The following ZFHX3 variants were observed in gnomAD, a reference collection of about 807,000 sequenced individuals.
The protein encoded by ZFHX3 is zinc finger homeobox 3, also known as zinc finger homeobox protein 3.
A neutral mutation model predicts 279.1 loss-of-function variants in ZFHX3; 42 were observed. The ratio of observed to expected loss-of-function variants is 0.15; its 90% confidence interval spans 0.12 to 0.19. ZFHX3 has a LOEUF of 0.19. Ranked by LOEUF, ZFHX3 falls within the 10% of genes least tolerant of loss-of-function variation. The probability of loss-of-function intolerance (pLI) is 1.00; values close to 1 mark genes in which losing one functional copy is unlikely to be tolerated. For missense variants in ZFHX3, 4,981 were observed against 4,754.0 expected, an observed-to-expected ratio of 1.05 and a Z score of -1.40; for synonymous variants, 2,293 against 1,957.8, an observed-to-expected ratio of 1.17 and a Z score of -4.52.
At chr16:73,736,195 G>A (rs1223611552) in intron 1 of ZFHX3, among the ~76,000 whole-genome samples, 1 of 152,148 alleles carries the variant, frequency 6.6e-6, no homozygotes, top group Non-Finnish European at 1.5e-5. Flanking sequence ...AGTGATCCCT[G>A]TGGGTTTCTA....
At chr16:73,733,205 G>A (rs575449276) in intron 1 of ZFHX3, among the ~76,000 whole-genome samples, 37 of 152,264 alleles carry the variant, frequency 2.4e-4, no homozygotes, top group African/African-American at 6.7e-4. Context: ...TGGAGAAATC[G>A]TAATGATATC....
chr16:73,004,004 TA>T (rs1490273866), intron 1 of ZFHX3, among the ~76,000 whole-genome samples: 2 of 151,666 alleles, frequency 1.3e-5, no homozygotes, highest in Admixed American at 1.3e-4. Flanking sequence ...AGCTCAACCT[TA>T]CCAGTAATCA....
At chr16:73,691,840 T>A (rs8060516) in intron 1 of ZFHX3, among the ~76,000 whole-genome samples, 5,224 of 152,324 alleles carry the variant, frequency 0.034, 256 homozygotes, top group African/African-American at 0.1. Context: ...ATTGAGATAC[T>A]GATTCATTGA....
intron 1 of ZFHX3, among the ~76,000 whole-genome samples, chr16:73,869,449 A>T (rs1445601551): frequency 6.6e-6 from 1 of 152,254 alleles, no homozygotes; most frequent in Non-Finnish European, 1.5e-5. Context: ...AAAGTTACAC[A>T]GGCAAAAGGC....
At chr16:73,440,904 A>G (rs907725407) in intron 3 of ZFHX3, among the ~76,000 whole-genome samples, 4 of 152,346 alleles carry the variant, frequency 2.6e-5, no homozygotes, top group Non-Finnish European at 4.4e-5. Flanking sequence ...GCCAGCTTTT[A>G]GCAAATAGAT....
chr16:73,580,550 T>C (rs1001888475), intron 2 of ZFHX3, among the ~76,000 whole-genome samples: 2 of 150,994 alleles, frequency 1.3e-5, no homozygotes, highest in African/African-American at 4.9e-5. Flanking sequence ...TAACTGGGAC[T>C]ATCTAGTTAC....
chr16:73,493,001 C>CAT (rs2019079553), intron 2 of ZFHX3, among the ~76,000 whole-genome samples: 2 of 152,020 alleles, frequency 1.3e-5, no homozygotes, highest in African/African-American at 4.8e-5. Flanking sequence ...TTATATATAA[C>CAT]ATATACTGTC....
At position 73,595,983 on chromosome 16, in the gene ZFHX3, TTTTATTTTA is replaced by T. The variant is rs2052045751; in HGVS notation, c.-1547+84188_-1547+84196del. Among the ~76,000 whole-genome samples, 13 of 3,290 alleles carry T rather than the reference TTTTATTTTA, an allele frequency of 4.0e-3. No individual in the cohort carries two copies. The Admixed American group carries it at 0.055, about 14-fold the overall frequency. The allele number at this position is 3,290 out of a possible 152,430, so 2.2% of individuals were successfully genotyped here. On this transcript the variant is annotated intron_variant, in intron 2 of 17. Coordinates refer to the ZFHX3 transcript ENST00000641206. Reference sequence around the variant, plus strand: ...CTCTCTCCCGACCATTACTTTTTTATTTTATTTTATTTTATTTTATTTTATTTTATTTTA... The same window carrying T: ...CTCTCTCCCGACCATTACTTTTTTATTTTTATTTTATTTTATTTTATTTTA...
At position 73,258,758 on chromosome 16, in the gene ZFHX3, A is replaced by G. The variant is rs112437068; in HGVS notation, c.-1193-1622T>C. Among the ~76,000 whole-genome samples the G allele has an allele frequency of 9.8e-4, 150 of 152,304 alleles. 1 individual carries two copies. Among genetic ancestry groups the G allele is most frequent in the African/African-American group, 3.4e-3 (143 of 41,570 alleles). ...CTAATATTTTCTCCCTTTGCTTTATATCTATGCTTTTGGACAATAAAATGG... is the reference window on the plus strand; with the variant it reads ...CTAATATTTTCTCCCTTTGCTTTATGTCTATGCTTTTGGACAATAAAATGG... On this transcript the variant is annotated intron_variant, in intron 4 of 17. Transcript: ENST00000641206.
At chr16:73,567,792 T>C (rs1299653937) in intron 2 of ZFHX3, among the ~76,000 whole-genome samples, 1 of 152,222 alleles carries the variant, frequency 6.6e-6, no homozygotes, top group Non-Finnish European at 1.5e-5. Context: ...AACAATATTG[T>C]ATACCTTCGA....
intron 3 of ZFHX3, among the ~76,000 whole-genome samples, chr16:72,924,919 C>T (rs991906893): frequency 2.6e-5 from 4 of 152,176 alleles, no homozygotes; most frequent in African/African-American, 9.7e-5. Context: ...CTACCCTTTA[C>T]AGAAACGCAC....
chr16:73,616,087 T>C (rs955454262), intron 2 of ZFHX3, among the ~76,000 whole-genome samples: 12 of 151,984 alleles, frequency 7.9e-5, no homozygotes, highest in Admixed American at 7.9e-4. Context: ...GATAAGACAG[T>C]CCCACTTGAC....
intron 3 of ZFHX3, among the ~76,000 whole-genome samples, chr16:72,891,200 T>C (rs2038765519): frequency 6.6e-6 from 1 of 152,220 alleles, no homozygotes; most frequent in Admixed American, 6.5e-5. Flanking sequence ...CCAATATCAT[T>C]GGTCAGTTGG....
intron 1 of ZFHX3, among the ~76,000 whole-genome samples, chr16:73,036,536 A>G (rs1290180770): frequency 6.6e-6 from 1 of 152,092 alleles, no homozygotes; most frequent in African/African-American, 2.4e-5. Context: ...AAGTGGAAAT[A>G]ACTCCTGCTC....
At chr16:72,893,108 C>G (rs1434553597) in intron 3 of ZFHX3, among the ~76,000 whole-genome samples, 2 of 152,192 alleles carry the variant, frequency 1.3e-5, no homozygotes, top group Non-Finnish European at 2.9e-5. Context: ...GAACTGCTGT[C>G]TTAGGTCACC....
At chr16:73,838,293 G>A (rs1433567243) in intron 1 of ZFHX3, among the ~76,000 whole-genome samples, 1 of 152,104 alleles carries the variant, frequency 6.6e-6, no homozygotes, top group African/African-American at 2.4e-5. Flanking sequence ...TTGGACTTTT[G>A]TGCATTCTAT....
chr16:72,898,949 C>G (rs1035505026), intron 3 of ZFHX3, among the ~76,000 whole-genome samples: 1 of 151,266 alleles, frequency 6.6e-6, no homozygotes, highest in African/African-American at 2.4e-5. Flanking sequence ...AGCTCAGAAG[C>G]TGAGGGGGGT....
rs1166920682 is a variant in ZFHX3, at chr16:73,252,649, G to A, written c.-1104+4398C>T. The stretch of plus-strand genomic sequence containing the variant: ...CTCAGGGTGGGAGGAGACGGGCTAC[G>A]GCTGAGTGTTCGGTGAGAAAGGGGA... On this transcript the variant is annotated intron_variant, in intron 5 of 17. Transcript: ENST00000641206. 2.6e-5 allele frequency among the ~76,000 whole-genome samples: 4 copies of A among 152,116 alleles called. No individual in the cohort carries two copies. The East Asian group carries it at 7.7e-4, about 29-fold the overall frequency.
intron 1 of ZFHX3, among the ~76,000 whole-genome samples, chr16:73,776,081 G>A (rs1959238196): frequency 6.6e-6 from 1 of 152,192 alleles, no homozygotes; most frequent in Non-Finnish European, 1.5e-5. Flanking sequence ...CTGAACCTGT[G>A]AAACAAAAAT....
Sources: allele counts gnomAD v4.1 joint callset (sites outside exome capture counted in the v4.1 genomes callset), GRCh38; gene constraint gnomAD v4.1.1; transcripts MANE v1.5; gene names NCBI Gene and HGNC (gene_info 2026-07-23, HGNC 2026-07-21).